Variants in LHFPL2 observed in about 807,000 individuals in gnomAD.
LHFPL2 encodes the protein LHFPL tetraspan subfamily member 2 protein.
LHFPL2 carries 7 observed loss-of-function variants against 17.5 expected under a neutral mutation model. That is an observed-to-expected ratio of 0.40 (90% CI 0.23 to 0.75). The LOEUF is 0.75. Among genes scored for constraint, LHFPL2 ranks in the 30% least tolerant of loss-of-function variants. The pLI, the probability that LHFPL2 is intolerant of heterozygous loss-of-function variation, is 0.37. For synonymous variants in LHFPL2, 134 were observed against 116.2 expected (o/e 1.15, Z -0.99); for missense variants, 241 against 294.8 (o/e 0.82, Z 1.34).
At chr5:78,544,664 A>G (rs1269325164) in intron 3 of LHFPL2, among the ~76,000 whole-genome samples, 1 of 152,152 alleles carries the variant, frequency 6.6e-6, no homozygotes, top group Non-Finnish European at 1.5e-5. Flanking sequence ...GCAGTTTTAA[A>G]GTGACTCATC....
At chr5:78,566,372 T>C (rs2112418402) in intron 2 of LHFPL2, among the ~76,000 whole-genome samples, 1 of 152,344 alleles carries the variant, frequency 6.6e-6, no homozygotes, top group Admixed American at 6.5e-5. Flanking sequence ...AACTTGAAGA[T>C]ACTGGACAAC....
chr5:78,490,272 G>A (rs1291074111), intron 4 of LHFPL2, among the ~76,000 whole-genome samples: 3 of 152,120 alleles, frequency 2.0e-5, no homozygotes, highest in Admixed American at 1.3e-4. Context: ...TAGGACTAGG[G>A]TGAGCCACAA....
chr5:78,490,078 T>C (rs1754387654), intron 4 of LHFPL2, among the ~76,000 whole-genome samples: 1 of 152,270 alleles, frequency 6.6e-6, no homozygotes, highest in Non-Finnish European at 1.5e-5. Flanking sequence ...TTGCAAACTT[T>C]GTAAGGACTT....
intron 3 of LHFPL2, among the ~76,000 whole-genome samples, chr5:78,518,010 G>C (rs1412167657): frequency 2.0e-5 from 3 of 152,204 alleles, no homozygotes; most frequent in African/African-American, 4.8e-5. Flanking sequence ...CTCTAAGGTA[G>C]ACATTAAAAT....
chr5:78,592,372 G>A lies in LHFPL2; in HGVS notation c.-244-27501C>T, dbSNP rs76846478. ...GAGGGAATTCTTTCCTCTAGAAGAC[G>A]CTCTAAGAGTAACAAAAAGTAAGAG... On this transcript the variant is annotated intron_variant, in intron 2 of 4. Coordinates refer to ENST00000380345, the MANE Select transcript of LHFPL2 (RefSeq NM_005779.3). 0.012 allele frequency among the ~76,000 whole-genome samples: 1,791 copies of A among 152,270 alleles called. 100 individuals carry two copies. In the East Asian group the frequency reaches 0.17, roughly 15 times the overall value.
chr5:78,540,552 T>C (rs910534479), intron 3 of LHFPL2, among the ~76,000 whole-genome samples: 15 of 152,330 alleles, frequency 9.8e-5, no homozygotes, highest in Admixed American at 3.9e-4. Flanking sequence ...CAGCAGGAAC[T>C]GGCAGAGAGG....
rs1183111792 is a variant in LHFPL2 at position 78,585,840 on chromosome 5, T to TGGGTTG, written c.-244-20975_-244-20970dup. ...AACCTCATTTTACAGATGGGGAGAC[T>TGGGTTG]GGGTTGGGGTTGGGGTTGGGGATGG... On this transcript the variant is annotated intron_variant, in intron 2 of 4. Coordinates refer to ENST00000380345, the MANE Select transcript of LHFPL2 (RefSeq NM_005779.3). 2.6e-5 allele frequency among the ~76,000 whole-genome samples: 4 copies of TGGGTTG among 152,098 alleles called. No homozygotes were observed. The South Asian group carries it at 6.2e-4, about 24-fold the overall frequency.
chr5:78,509,910 T>C lies in LHFPL2; in HGVS notation c.304A>G (p.Ile102Val), dbSNP rs2303654. 7.9e-4 allele frequency: 1,281 copies of C among 1,613,610 alleles called. 12 individuals carry two copies. The East Asian group carries it at 0.019, about 24-fold the overall frequency. ...ATAAAGATTCCCACAGCCAGGAAAATAGCTGTGGCCTGCCAGAAGCCGCTG... is the reference window on the plus strand; with the variant it reads ...ATAAAGATTCCCACAGCCAGGAAAACAGCTGTGGCCTGCCAGAAGCCGCTG... The part of the protein sequence containing the change: ...IASGFWQATA[I>V]FLAVGIFILC... Residue 102 changes from isoleucine (I) to valine (V), a missense_variant, in exon 4 of 5, where the codon ATT becomes GTT. By Grantham distance (29) the Ile-to-Val change is conservative (BLOSUM62 3). Coordinates refer to ENST00000380345, the MANE Select transcript of LHFPL2 (RefSeq NM_005779.3).
intron 2 of LHFPL2, among the ~76,000 whole-genome samples, chr5:78,585,454 C>T (rs1381576237): frequency 6.6e-6 from 1 of 152,136 alleles, no homozygotes; most frequent in African/African-American, 2.4e-5. Flanking sequence ...CAATGCCTCG[C>T]CCTGCTTCGG....
intron 3 of LHFPL2, among the ~76,000 whole-genome samples, chr5:78,554,076 T>G (rs1756512212): frequency 6.6e-6 from 1 of 152,268 alleles, no homozygotes. Context: ...TGATCTATTT[T>G]AAGTACATTC....
At chr5:78,505,073 A>T (rs757577712) in intron 4 of LHFPL2, among the ~76,000 whole-genome samples, 3 of 152,248 alleles carry the variant, frequency 2.0e-5, no homozygotes, top group Non-Finnish European at 4.4e-5. Context: ...CTTCGGTCCC[A>T]AACCTGAGTC....
Position 78,554,343 on chromosome 5 carries a change from T to G in LHFPL2, c.-186+10470A>C, listed in dbSNP as rs929430731. Among the ~76,000 whole-genome samples, 4 of 152,134 alleles carry G rather than the reference T, an allele frequency of 2.6e-5. No homozygotes were observed. In the South Asian group the frequency reaches 8.3e-4, roughly 32 times the overall value. ...GTGGTTAGTTAACGACAGAGAGGAG[T>G]TGGAGAGGACATATCCCAGATCTTG... On this transcript the variant is annotated intron_variant, in intron 3 of 4. Coordinates refer to ENST00000380345, the MANE Select transcript of LHFPL2 (RefSeq NM_005779.3).
chr5:78,641,132 T>C (rs770170993), intron 1 of LHFPL2, among the ~76,000 whole-genome samples: 2 of 152,194 alleles, frequency 1.3e-5, no homozygotes, highest in Non-Finnish European at 2.9e-5. Context: ...ACCACACACA[T>C]GTGCAGCTGC....
intron 3 of LHFPL2, among the ~76,000 whole-genome samples, chr5:78,539,779 C>T (rs1756052649): frequency 6.6e-6 from 1 of 151,708 alleles, no homozygotes; most frequent in Non-Finnish European, 1.5e-5. Context: ...TTTCTTGCCC[C>T]ACTAACAACT....
intron 2 of LHFPL2, among the ~76,000 whole-genome samples, chr5:78,581,603 C>T (rs1488991307): frequency 3.9e-5 from 6 of 152,028 alleles, no homozygotes; most frequent in South Asian, 2.1e-4. Context: ...TATTGATTTG[C>T]GTATATTGAA....
intron 2 of LHFPL2, among the ~76,000 whole-genome samples, chr5:78,618,224 C>T (rs1317931854): frequency 6.6e-6 from 1 of 151,966 alleles, no homozygotes; most frequent in Non-Finnish European, 1.5e-5. Flanking sequence ...AAAAATTATT[C>T]AGGAAGACCA....
chr5:78,534,489 C>A (rs186582138), intron 3 of LHFPL2, among the ~76,000 whole-genome samples: 1 of 152,210 alleles, frequency 6.6e-6, no homozygotes, highest in African/African-American at 2.4e-5. Context: ...ATGACTCCCC[C>A]ATTCCGCGGC....
intron 2 of LHFPL2, among the ~76,000 whole-genome samples, chr5:78,576,369 C>A (rs1021599595): frequency 2.0e-5 from 3 of 152,000 alleles, no homozygotes; most frequent in African/African-American, 7.2e-5. Context: ...AAATTACCCA[C>A]GAAAAAGTAA....
At position 78,560,846 on chromosome 5, in the gene LHFPL2, T is replaced by G. The variant is rs73146005; in HGVS notation, c.-186+3967A>C. On this transcript the variant is annotated intron_variant, in intron 3 of 4. Coordinates refer to ENST00000380345, the MANE Select transcript of LHFPL2 (RefSeq NM_005779.3). ...CAAAAACTAATAAGGAAAATAGTAT[T>G]TTACTTGATAAATTAGAAACTATCC... Among the ~76,000 whole-genome samples, 995 of 152,286 alleles carry G rather than the reference T, an allele frequency of 6.5e-3. 14 individuals carry two copies. The highest frequency in any genetic ancestry group is 0.023 in the African/African-American group (958 of 41,556).
Sources: allele counts gnomAD v4.1 joint callset (sites outside exome capture counted in the v4.1 genomes callset), GRCh38; gene constraint gnomAD v4.1.1; transcripts MANE v1.5; gene names NCBI Gene and HGNC (gene_info 2026-07-23, HGNC 2026-07-21).